OGFOD1: variants seen among roughly 807,000 people sequenced by gnomAD.
OGFOD1 encodes 2-oxoglutarate and iron dependent oxygenase domain containing 1.
OGFOD1 carries 54 observed loss-of-function variants against 67.7 expected under a neutral mutation model. That is an observed-to-expected ratio of 0.80 (90% CI 0.64 to 1.00). The LOEUF is 1.00. OGFOD1 is among the 50% of genes least tolerant of loss of function. OGFOD1 has a pLI of 0.00. For synonymous variants in OGFOD1, 221 were observed against 227.0 expected (o/e 0.97, Z 0.24); for missense variants, 606 against 646.7 (o/e 0.94, Z 0.68).
intron 4 of OGFOD1, among the ~76,000 whole-genome samples, chr16:56,463,855 C>T (rs1455170916): frequency 6.6e-6 from 1 of 151,940 alleles, no homozygotes; most frequent in Non-Finnish European, 1.5e-5. Context: ...CTGAATACTT[C>T]AGTAATTTCT....
rs1963588251 is a variant in OGFOD1, at chr16:56,478,876, C to CTTAGA, written c.*2674_*2678dup. The CTTAGA allele has an allele frequency of 6.6e-6, 1 of 152,168 alleles. No individual in the cohort carries two copies. Among genetic ancestry groups the CTTAGA allele is most frequent in the East Asian group, 1.9e-4 (1 of 5,192 alleles). The allele number at this position is 152,168 out of a possible 1,614,324, so 9.4% of individuals were successfully genotyped here. A position where few individuals can be genotyped will look rare whatever the true frequency, so the allele number is the denominator to read the frequency against. ...AGTTACATCATCTACAGCAGCACCTCTTAGATTGTGAAGGATGGTGTAACT... is the reference window on the plus strand; with the variant it reads ...AGTTACATCATCTACAGCAGCACCTCTTAGATTAGATTGTGAAGGATGGTGTAACT... On this transcript the variant is annotated 3_prime_UTR_variant, in exon 13 of 13. Coordinates refer to ENST00000566157, the MANE Select transcript of OGFOD1 (RefSeq NM_018233.4).
intron 1 of OGFOD1, chr16:56,452,072 G>C (rs1250444987): frequency 6.8e-6 from 2 of 292,002 alleles, no homozygotes; most frequent in African/African-American, 4.3e-5. Context: ...CCCTGATTGG[G>C]CGTCGCCAGG....
In OGFOD1 at chr16:56,458,540, T is replaced by A. The variant is rs372454459; in HGVS notation, c.301-8T>A. On this transcript the variant is annotated splice_polypyrimidine_tract_variant and splice_region_variant and intron_variant, in intron 2 of 12. Transcript: ENST00000566157. ...AATCCCTTTTTTTTCTCTATTTTCA[T>A]GATCAAGTCTGATGATTTGAAGAAG... 5 of 1,612,482 alleles carry A rather than the reference T, an allele frequency of 3.1e-6. No homozygotes were observed. The highest frequency in any genetic ancestry group is 4.2e-6 in the Non-Finnish European group (5 of 1,178,516).
At position 56,477,398 on chromosome 16, in the gene OGFOD1, G is replaced by A. The variant is rs758462453; in HGVS notation, c.*1193G>A. The A allele has an allele frequency of 6.6e-6, 1 of 152,208 alleles. No individual in the cohort carries two copies. Among genetic ancestry groups the A allele is most frequent in the Non-Finnish European group, 1.5e-5 (1 of 68,056 alleles). The allele number at this position is 152,208 out of a possible 1,614,324, so 9.4% of individuals were successfully genotyped here. On this transcript the variant is annotated 3_prime_UTR_variant, in exon 13 of 13. Coordinates refer to ENST00000566157, the MANE Select transcript of OGFOD1 (RefSeq NM_018233.4). ...CAAGAAACTTCTGGTTGGTAAAGAA[G>A]ATAGGCTGCTTATTGCCATGTGTAG...
chr16:56,457,845 A>G (rs1425802045), intron 2 of OGFOD1, among the ~76,000 whole-genome samples: 3 of 151,980 alleles, frequency 2.0e-5, no homozygotes, highest in Non-Finnish European at 4.4e-5. Context: ...ACGCCTGGCT[A>G]ATTTTTGTAT....
chr16:56,465,589 C>G (rs1199367005), intron 4 of OGFOD1: 2 of 152,702 alleles, frequency 1.3e-5, no homozygotes, highest in African/African-American at 2.4e-5. Flanking sequence ...TTTAGAAGTT[C>G]CCCTCAAGAA....
intron 7 of OGFOD1, 86 bp from the exon 8 acceptor site, chr16:56,467,819 A>G: frequency 1.3e-6 from 1 of 744,344 alleles, no homozygotes; most frequent in East Asian, 2.5e-5. Flanking sequence ...GAGGATTTGC[A>G]TGTATTTTAT....
intron 9 of OGFOD1, 158 bp from the exon 10 acceptor site, chr16:56,470,329 C>T: frequency 2.7e-6 from 2 of 747,238 alleles, no homozygotes; most frequent in Non-Finnish European, 4.3e-6. Flanking sequence ...GATGTCCTAA[C>T]AAAATCCTAA....
chr16:56,455,733 T>G (rs1962503732), intron 2 of OGFOD1, among the ~76,000 whole-genome samples: 1 of 152,242 alleles, frequency 6.6e-6, no homozygotes, highest in Non-Finnish European at 1.5e-5. Flanking sequence ...GTGCATACTT[T>G]ATGCCATGCT....
intron 10 of OGFOD1, among the ~76,000 whole-genome samples, chr16:56,474,317 C>CTTTT (rs770427579): frequency 3.1e-5 from 4 of 130,074 alleles, no homozygotes; most frequent in East Asian, 2.2e-4. Flanking sequence ...CAAAATTCAA[C>CTTTT]TTTTTTTTTT....
rs75942079 is a variant in OGFOD1 at position 56,453,792 on chromosome 16, C to T, written c.300+384C>T. On this transcript the variant is annotated intron_variant, in intron 2 of 12. Coordinates refer to ENST00000566157, the MANE Select transcript of OGFOD1 (RefSeq NM_018233.4). ...TCTTGGATGTCTAGTAAGTGTCTGA[C>T]ACTTAAGTCTAAAACTGAATTCTTG... is the stretch of plus-strand genomic sequence containing the variant. The T allele has an allele frequency of 7.1e-3, 1,111 of 156,122 alleles. 16 individuals are homozygous for T. Among genetic ancestry groups the T allele is most frequent in the African/African-American group, 0.026 (1,072 of 41,650 alleles). The allele number at this position is 156,122 out of a possible 1,614,324, so 9.7% of individuals were successfully genotyped here.
At chr16:56,461,102 C>T (rs1567547421) in intron 3 of OGFOD1, among the ~76,000 whole-genome samples, 1 of 152,194 alleles carries the variant, frequency 6.6e-6, no homozygotes, top group Non-Finnish European at 1.5e-5. Context: ...AAAACAGTGC[C>T]ACCCAAGTGT....
chr16:56,474,994 G>A (rs762031237), intron 11 of OGFOD1, 44 bp downstream of exon 11: 12 of 1,604,692 alleles, frequency 7.5e-6, no homozygotes, highest in African/African-American at 1.3e-5. Context: ...CCCGTAGGAG[G>A]GGCAGTCTCT....
At chr16:56,467,324 G>C in intron 7 of OGFOD1, 31 bp downstream of exon 7, 1 of 1,612,356 alleles carries the variant, frequency 6.2e-7, no homozygotes, top group South Asian at 1.1e-5. Flanking sequence ...CCTTATCTTA[G>C]GAGCTATAGC....
chr16:56,455,249 C>A (rs1179351486), intron 2 of OGFOD1, among the ~76,000 whole-genome samples: 1 of 152,040 alleles, frequency 6.6e-6, no homozygotes. Flanking sequence ...CCCCTATAAT[C>A]CCAGCTACTC....
chr16:56,465,003 C>CT (rs796682726), intron 4 of OGFOD1, among the ~76,000 whole-genome samples: 4,387 of 139,648 alleles, frequency 0.031, 217 homozygotes, highest in African/African-American at 0.1. Flanking sequence ...GAATGTATTT[C>CT]TTTTTTTTTT....
chr16:56,454,837 C>T lies in OGFOD1; in HGVS notation c.300+1429C>T, dbSNP rs76219782. On this transcript the variant is annotated intron_variant, in intron 2 of 12. Coordinates refer to ENST00000566157, the MANE Select transcript of OGFOD1 (RefSeq NM_018233.4). ...GATCTTTCTGTCTTTGGACCTTATA[C>T]ACATGACTGAATTAACCAGGATAAA... 6.6e-4 allele frequency: 279 copies of T among 419,672 alleles called. 7 individuals are homozygous for T. The East Asian group carries it at 0.014, about 22-fold the overall frequency. The allele number at this position is 419,672 out of a possible 1,614,324, so 26.0% of individuals were successfully genotyped here.
intron 8 of OGFOD1, among the ~76,000 whole-genome samples, chr16:56,468,571 C>G (rs777753105): frequency 6.6e-6 from 1 of 151,984 alleles, no homozygotes; most frequent in Middle Eastern, 3.4e-3. Context: ...GAAAAAATAA[C>G]AAAAATTAGC....
rs752250162 is a variant in OGFOD1 at position 56,466,152 on chromosome 16, A to G, written c.449A>G (p.Asp150Gly). Residue 150 changes from aspartate (D) to glycine (G), a missense_variant and splice_region_variant, in exon 5 of 13, where the codon GAT becomes GGT. By Grantham distance (94) the Asp-to-Gly change is moderately conservative (BLOSUM62 -1). Coordinates refer to ENST00000566157, the MANE Select transcript of OGFOD1 (RefSeq NM_018233.4). ...TAAGGTGTCCATTAAACTATTGCAG[A>G]TGCCCTGCTGTGCCATGATGATGAG... ...DMSCAKYEFT[D>G]ALLCHDDELE... The G allele has an allele frequency of 6.2e-7, 1 of 1,612,308 alleles. No homozygotes were observed. Among genetic ancestry groups the G allele is most frequent in the Non-Finnish European group, 8.5e-7 (1 of 1,178,374 alleles).
Sources: allele counts gnomAD v4.1 joint callset (sites outside exome capture counted in the v4.1 genomes callset), GRCh38; gene constraint gnomAD v4.1.1; transcripts MANE v1.5; gene names NCBI Gene and HGNC (gene_info 2026-07-23, HGNC 2026-07-21).